Variants in LRRC4C observed in about 807,000 individuals in gnomAD.
The protein encoded by LRRC4C is leucine rich repeat containing 4C.
A neutral mutation model predicts 33.6 loss-of-function variants in LRRC4C; 5 were observed. The observed-to-expected ratio is 0.15, with a 90% CI of 0.08 to 0.31. The LOEUF (loss-of-function observed/expected upper bound fraction) is 0.31, where lower values mean the gene tolerates loss of function less well. Ranked by LOEUF, LRRC4C falls within the 10% of genes least tolerant of loss-of-function variation. The pLI is 1.00. For missense variants in LRRC4C, 560 were observed against 796.7 expected (o/e 0.70, Z 3.58); for synonymous variants, 329 against 302.0 (o/e 1.09, Z -0.93).
chr11:41,278,313 C>CT (rs1328333085), intron 1 of LRRC4C, among the ~76,000 whole-genome samples: 2 of 152,114 alleles, frequency 1.3e-5, no homozygotes, highest in Admixed American at 1.3e-4. Flanking sequence ...GAAACTTTGA[C>CT]TTTAAGTGAA....
intron 1 of LRRC4C, among the ~76,000 whole-genome samples, chr11:41,444,947 G>A (rs957336926): frequency 4.6e-5 from 7 of 151,964 alleles, no homozygotes; most frequent in African/African-American, 1.7e-4. Flanking sequence ...AGGATCACAG[G>A]CATGCATCAC....
rs995907756 is a variant in LRRC4C, at chr11:40,457,347, G to T, written c.-269-137626C>A. Among the ~76,000 whole-genome samples the T allele has an allele frequency of 8.6e-5, 13 of 151,982 alleles. No homozygotes were observed. In the East Asian group the frequency reaches 1.9e-3, roughly 23 times the overall value. ...TAAATATAAAATCAAGAGCAAAAAAGGTTTTAATTGTATGATGAAGGTGTA... is the reference window on the plus strand; with the variant it reads ...TAAATATAAAATCAAGAGCAAAAAATGTTTTAATTGTATGATGAAGGTGTA... On this transcript the variant is annotated intron_variant, in intron 3 of 6. Transcript: ENST00000528697.
chr11:40,266,591 T>C (rs1470998372), intron 4 of LRRC4C, among the ~76,000 whole-genome samples: 2 of 152,174 alleles, frequency 1.3e-5, no homozygotes, highest in African/African-American at 2.4e-5. Flanking sequence ...TTATGTATTA[T>C]ACTGAAGTAT....
chr11:40,306,941 G>GT (rs5791371), intron 4 of LRRC4C, among the ~76,000 whole-genome samples: 2,800 of 146,902 alleles, frequency 0.019, 68 homozygotes, highest in Non-Finnish European at 0.023. Flanking sequence ...AGGTTATCTG[G>GT]TTTTTTTTTT....
At chr11:40,466,314 A>G (rs1341712674) in intron 3 of LRRC4C, among the ~76,000 whole-genome samples, 2 of 151,986 alleles carry the variant, frequency 1.3e-5, no homozygotes, top group African/African-American at 2.4e-5. Flanking sequence ...TAATGGATAC[A>G]ATGTACACTA....
At chr11:40,581,425 T>G (rs1338848605) in intron 3 of LRRC4C, among the ~76,000 whole-genome samples, 1 of 152,192 alleles carries the variant, frequency 6.6e-6, no homozygotes, top group African/African-American at 2.4e-5. Flanking sequence ...CCCTCTATAT[T>G]TTAAACCTCG....
chr11:40,874,182 T>C (rs1360478140), intron 2 of LRRC4C, among the ~76,000 whole-genome samples: 1 of 152,202 alleles, frequency 6.6e-6, no homozygotes, highest in Non-Finnish European at 1.5e-5. Flanking sequence ...AAGATTTGTT[T>C]ATTGCACTGG....
At chr11:41,149,399 T>C (rs990260528) in intron 1 of LRRC4C, among the ~76,000 whole-genome samples, 4 of 148,160 alleles carry the variant, frequency 2.7e-5, no homozygotes, top group African/African-American at 7.5e-5. Flanking sequence ...CCCAGCTACT[T>C]GGGAGGCTGA....
chr11:40,925,907 T>C (rs998874465), intron 2 of LRRC4C, among the ~76,000 whole-genome samples: 18 of 152,160 alleles, frequency 1.2e-4, no homozygotes, highest in Non-Finnish European at 7.3e-5. Flanking sequence ...CATTGGTAAA[T>C]CTTTAGTTCC....
At chr11:40,877,570 C>T (rs565270960) in intron 2 of LRRC4C, among the ~76,000 whole-genome samples, 8 of 152,276 alleles carry the variant, frequency 5.3e-5, no homozygotes, top group African/African-American at 1.9e-4. Flanking sequence ...CACATGCCAC[C>T]TTTGGAACAG....
At chr11:41,076,568 G>A (rs1056839102) in intron 1 of LRRC4C, among the ~76,000 whole-genome samples, 1 of 152,122 alleles carries the variant, frequency 6.6e-6, no homozygotes, top group Non-Finnish European at 1.5e-5. Context: ...ACAGCAAGGA[G>A]GAAATTTGCC....
intron 3 of LRRC4C, among the ~76,000 whole-genome samples, chr11:40,458,365 G>A (rs1156278422): frequency 6.6e-6 from 1 of 152,050 alleles, no homozygotes; most frequent in Non-Finnish European, 1.5e-5. Flanking sequence ...ATTCTGTGAG[G>A]CAAATATTTA....
chr11:40,943,887 C>T (rs1958265861), intron 1 of LRRC4C, among the ~76,000 whole-genome samples: 1 of 152,196 alleles, frequency 6.6e-6, no homozygotes, highest in South Asian at 2.1e-4. Context: ...TTAGCTCTCC[C>T]TCTTCCCCAA....
chr11:41,282,352 T>C (rs184787021), intron 1 of LRRC4C, among the ~76,000 whole-genome samples: 1 of 152,336 alleles, frequency 6.6e-6, no homozygotes, highest in African/African-American at 2.4e-5. Flanking sequence ...ACATTAAATT[T>C]ACCACCAAGG....
intron 2 of LRRC4C, among the ~76,000 whole-genome samples, chr11:40,850,671 G>A (rs907168785): frequency 7.2e-5 from 11 of 152,182 alleles, no homozygotes; most frequent in South Asian, 2.1e-4. Context: ...TGGGAGATCC[G>A]CTGCTCTCTT....
At chr11:40,426,850 T>C (rs530836929) in intron 3 of LRRC4C, among the ~76,000 whole-genome samples, 1 of 152,338 alleles carries the variant, frequency 6.6e-6, no homozygotes, top group South Asian at 2.1e-4. Context: ...AAAGACCTTC[T>C]TTCCGTTTCC....
At chr11:41,236,859 A>G (rs1948045795) in intron 1 of LRRC4C, among the ~76,000 whole-genome samples, 1 of 152,210 alleles carries the variant, frequency 6.6e-6, no homozygotes, top group African/African-American at 2.4e-5. Context: ...ACACTCTTCA[A>G]AATGAATCAT....
intron 4 of LRRC4C, among the ~76,000 whole-genome samples, chr11:40,270,756 G>T (rs2136335633): frequency 6.6e-6 from 1 of 152,198 alleles, no homozygotes; most frequent in Non-Finnish European, 1.5e-5. Flanking sequence ...ACAGTTCATT[G>T]AAAGCTGGCA....
intron 2 of LRRC4C, among the ~76,000 whole-genome samples, chr11:40,822,408 C>G (rs1951972047): frequency 6.6e-6 from 1 of 151,206 alleles, no homozygotes; most frequent in East Asian, 1.9e-4. Flanking sequence ...AAAATCCATT[C>G]ATTCACTGAT....
Sources: gnomAD v4.1 joint callset for allele counts (sites outside exome capture counted in the v4.1 genomes callset) on GRCh38, gnomAD v4.1.1 for gene constraint, MANE v1.5 for transcripts, NCBI Gene and HGNC (gene_info 2026-07-23, HGNC 2026-07-21) for gene names.